Variants in CAMSAP2 observed in about 807,000 individuals in gnomAD.
CAMSAP2 encodes the protein calmodulin regulated spectrin associated protein family member 2.
In CAMSAP2, 26 loss-of-function variants were observed where a neutral mutation model predicts 146.1. That is an observed-to-expected ratio of 0.18 (90% CI 0.13 to 0.25). The LOEUF (loss-of-function observed/expected upper bound fraction) is 0.25. Among genes scored for constraint, CAMSAP2 ranks in the 10% least tolerant of loss-of-function variants. CAMSAP2 has a pLI of 1.00. For synonymous variants in CAMSAP2, 499 were observed against 596.6 expected, an observed-to-expected ratio of 0.84 and a Z score of 2.38; for missense variants, 1,381 against 1,759.3, an observed-to-expected ratio of 0.78 and a Z score of 3.85.
At chr1:200,829,941 A>G (rs531953095) in intron 4 of CAMSAP2, among the ~76,000 whole-genome samples, 1 of 152,232 alleles carries the variant, frequency 6.6e-6, no homozygotes, top group East Asian at 1.9e-4. Context: ...AAAAATAATA[A>G]TAATAAAATA....
At chr1:200,851,813 G>C (rs1433765941) in intron 11 of CAMSAP2, among the ~76,000 whole-genome samples, 2 of 152,140 alleles carry the variant, frequency 1.3e-5, no homozygotes, top group African/African-American at 4.8e-5. Flanking sequence ...AGGGACAGTT[G>C]ACAAGGAGAC....
intron 2 of CAMSAP2, among the ~76,000 whole-genome samples, chr1:200,790,603 C>A (rs1665722226): frequency 6.6e-6 from 1 of 152,174 alleles, no homozygotes; most frequent in Non-Finnish European, 1.5e-5. Context: ...CTTTGCCTGT[C>A]TGTCTCTCCA....
Position 200,841,985 on chromosome 1 carries a change from C to T in CAMSAP2, c.928-9C>T, listed in dbSNP as rs1308905556. On this transcript the variant is annotated splice_polypyrimidine_tract_variant and intron_variant, in intron 6 of 16. Coordinates refer to ENST00000358823, the MANE Select transcript of CAMSAP2 (RefSeq NM_203459.4). ...CTAATGTAGGCTTTCTCTTAAATTT[C>T]CTATATAGAGTAATTATTTGGTGTT... 2 of 1,599,352 alleles carry T rather than the reference C, an allele frequency of 1.3e-6. No individual in the cohort carries two copies. The highest frequency in any genetic ancestry group is 1.7e-6 in the Non-Finnish European group (2 of 1,167,316).
intron 14 of CAMSAP2, 67 bp downstream of exon 14, chr1:200,854,956 A>T: frequency 1.7e-6 from 2 of 1,175,960 alleles, no homozygotes; most frequent in Non-Finnish European, 2.4e-6. Flanking sequence ...ACAAACTCTA[A>T]GTAAAAATTC....
At chr1:200,758,924 A>G (rs928782218) in intron 1 of CAMSAP2, among the ~76,000 whole-genome samples, 40 of 152,194 alleles carry the variant, frequency 2.6e-4, no homozygotes, top group African/African-American at 9.2e-4. Context: ...CCTTATATCT[A>G]TATGGTAATC....
At chr1:200,821,792 A>G (rs1353869649) in intron 4 of CAMSAP2, among the ~76,000 whole-genome samples, 1 of 152,196 alleles carries the variant, frequency 6.6e-6, no homozygotes, top group Non-Finnish European at 1.5e-5. Flanking sequence ...AGTTAAGAGA[A>G]CTTGGCATTT....
chr1:200,759,902 A>G (rs1179496829), intron 1 of CAMSAP2, among the ~76,000 whole-genome samples: 1 of 152,226 alleles, frequency 6.6e-6, no homozygotes, highest in Non-Finnish European at 1.5e-5. Flanking sequence ...ATAGGCAAGA[A>G]AACTTGTAAA....
intron 2 of CAMSAP2, among the ~76,000 whole-genome samples, chr1:200,771,771 C>T (rs1397918903): frequency 2.6e-5 from 4 of 152,136 alleles, no homozygotes; most frequent in Non-Finnish European, 1.5e-5. Flanking sequence ...GTGGTTGGAA[C>T]CACCCTGTCT....
In CAMSAP2 at chr1:200,799,640, T is replaced by A. The variant is rs191785556; in HGVS notation, c.400-7736T>A. ...AAAACCAGCTCCTGGATTCATTGAT[T>A]TTTTTGAAGGCTTTTTCATGTCTCT... On this transcript the variant is annotated intron_variant, in intron 2 of 16. Coordinates refer to ENST00000358823, the MANE Select transcript of CAMSAP2 (RefSeq NM_203459.4). 3.3e-5 allele frequency among the ~76,000 whole-genome samples: 5 copies of A among 152,304 alleles called. No homozygotes were observed. The South Asian group carries it at 1.0e-3, about 32-fold the overall frequency.
At chr1:200,776,332 G>T (rs1446187993) in intron 2 of CAMSAP2, among the ~76,000 whole-genome samples, 2 of 152,188 alleles carry the variant, frequency 1.3e-5, no homozygotes, top group Admixed American at 1.3e-4. Flanking sequence ...AACCCCTGAT[G>T]CAGAAATCTG....
Position 200,818,509 on chromosome 1 carries a change from C to T in CAMSAP2, c.645+2865C>T, listed in dbSNP as rs370125939. The stretch of plus-strand genomic sequence containing the variant: ...AGTTTAGCACATACATAGCATTTAC[C>T]CCTTCATTTTCAAATGAATTTTATC... On this transcript the variant is annotated intron_variant, in intron 4 of 16. Coordinates refer to ENST00000358823, the MANE Select transcript of CAMSAP2 (RefSeq NM_203459.4). 1.5e-3 allele frequency among the ~76,000 whole-genome samples: 223 copies of T among 151,998 alleles called. 1 individual carries two copies. The highest frequency in any genetic ancestry group is 5.3e-3 in the African/African-American group (219 of 41,470).
chr1:200,840,134 C>T (rs1316723583), intron 6 of CAMSAP2, among the ~76,000 whole-genome samples: 1 of 152,188 alleles, frequency 6.6e-6, no homozygotes, highest in African/African-American at 2.4e-5. Context: ...ACCTACAAGA[C>T]AGGTCCACTT....
intron 2 of CAMSAP2, among the ~76,000 whole-genome samples, chr1:200,761,664 G>A (rs1035290046): frequency 4.6e-5 from 7 of 152,088 alleles, no homozygotes; most frequent in African/African-American, 1.7e-4. Flanking sequence ...GAACCCAGGA[G>A]GTGGAGGTTG....
In CAMSAP2 at chr1:200,849,925, G is replaced by A. The variant is rs1667571166; in HGVS notation, c.3156G>A (p.Gln1052=). 2 of 1,614,170 alleles carry A rather than the reference G, an allele frequency of 1.2e-6. No individual in the cohort carries two copies. Residue 1052 remains glutamine, a synonymous_variant, in exon 11 of 17, where the codon CAG becomes CAA. Coordinates refer to ENST00000358823, the MANE Select transcript of CAMSAP2 (RefSeq NM_203459.4). The surrounding 1 kb of genome is among the most constrained non-coding windows in gnomAD (Gnocchi z 6.3). Reference sequence around the variant, plus strand: ...TGGAATCCAAAGGGACTTTGGAACAGCGTGGACATAATCCAGAAGAAAAGG... The same window carrying A: ...TGGAATCCAAAGGGACTTTGGAACAACGTGGACATAATCCAGAAGAAAAGG... The part of the protein sequence containing the change: ...EELESKGTLE[Q]RGHNPEEKEI...
Position 200,832,098 on chromosome 1 carries a change from T to G in CAMSAP2, c.646-102T>G. 1 of 914,400 alleles carries G rather than the reference T, an allele frequency of 1.1e-6. No homozygotes were observed. The highest frequency in any genetic ancestry group is 1.6e-6 in the Non-Finnish European group (1 of 622,884). The allele number at this position is 914,400 out of a possible 1,614,324, so 56.6% of individuals were successfully genotyped here. ...TATTGGTGAGTGGTCTCATTTCTCA[T>G]GATTTATTTTATTACTGGTACATTA... is the stretch of plus-strand genomic sequence containing the variant. On this transcript the variant is annotated intron_variant, in intron 4 of 16. Coordinates refer to ENST00000358823, the MANE Select transcript of CAMSAP2 (RefSeq NM_203459.4). The surrounding 1 kb of genome is among the most constrained non-coding windows in gnomAD (Gnocchi z 4.2).
intron 4 of CAMSAP2, among the ~76,000 whole-genome samples, chr1:200,817,101 TAC>T (rs545699822): frequency 1.9e-4 from 27 of 145,238 alleles, no homozygotes; most frequent in Middle Eastern, 3.7e-3. Context: ...TATATATGTA[TAC>T]ACACACGTGT....
chr1:200,752,029 A>G (rs1280427867), intron 1 of CAMSAP2, among the ~76,000 whole-genome samples: 1 of 152,216 alleles, frequency 6.6e-6, no homozygotes, highest in Non-Finnish European at 1.5e-5. Flanking sequence ...TAAAGCATAC[A>G]AGGGAAGATA....
chr1:200,786,705 G>T (rs1319119265), intron 2 of CAMSAP2, among the ~76,000 whole-genome samples: 1 of 152,186 alleles, frequency 6.6e-6, no homozygotes, highest in African/African-American at 2.4e-5. Context: ...CGATGTAGAT[G>T]AAATAGCCTT....
intron 1 of CAMSAP2, among the ~76,000 whole-genome samples, chr1:200,746,745 A>G (rs1194058852): frequency 1.3e-5 from 2 of 151,446 alleles, no homozygotes; most frequent in Admixed American, 6.6e-5. Flanking sequence ...CAGCCTCCCG[A>G]GTAGCTGGGA....
Sources: gnomAD v4.1 joint callset for allele counts (sites outside exome capture counted in the v4.1 genomes callset) on GRCh38, gnomAD v4.1.1 for gene constraint, Gnocchi (gnomAD v3.1) non-coding constraint, MANE v1.5 for transcripts, NCBI Gene and HGNC (gene_info 2026-07-23, HGNC 2026-07-21) for gene names.